Variants in BLNK observed in about 807,000 individuals in gnomAD.
BLNK encodes the protein B cell linker.
A neutral mutation model predicts 73.5 loss-of-function variants in BLNK; 29 were observed. That is an observed-to-expected ratio of 0.39 (90% CI 0.29 to 0.54). BLNK has a LOEUF of 0.54. BLNK is among the 20% of genes least tolerant of loss of function. The probability of loss-of-function intolerance (pLI) is 0.61; values close to 1 mark genes in which losing one functional copy is unlikely to be tolerated. For synonymous variants in BLNK, 176 were observed against 200.8 expected, an observed-to-expected ratio of 0.88 and a Z score of 1.04; for missense variants, 460 against 562.8, an observed-to-expected ratio of 0.82 and a Z score of 1.85.
At position 96,242,759 on chromosome 10, in the gene BLNK, C is replaced by T. The variant is rs1842918824; in HGVS notation, c.139G>A (p.Val47Ile). 1.2e-6 allele frequency: 2 copies of T among 1,614,118 alleles called. No homozygotes were observed. The highest frequency in any genetic ancestry group is 1.7e-6 in the Non-Finnish European group (2 of 1,179,970). ...CCTGAAGCGTAGTCCCTTCGAGGAA[C>T]ACTTGGAGGTGCTTTGACTTTTAGC... Reference protein sequence around the residue: ...KKLKVKAPPSVPRRDYASESP... With the variant: ...KKLKVKAPPSIPRRDYASESP... The change falls in exon 3 of 17, where the codon GTT (valine) becomes ATT (isoleucine). Residue 47 changes from valine to isoleucine, a missense_variant. By Grantham distance (29) the Val-to-Ile change is conservative. Around this residue, in one of 3 missense-constraint regions of BLNK, gnomAD observed 139 missense variants for 187.3 expected, o/e 0.74. Coordinates refer to ENST00000224337, the MANE Select transcript of BLNK (RefSeq NM_013314.4).
intron 5 of BLNK, 131 bp downstream of exon 5, chr10:96,227,279 G>T: frequency 8.3e-7 from 1 of 1,211,854 alleles, no homozygotes; most frequent in Non-Finnish European, 1.1e-6. Context: ...CCTGCTTGGA[G>T]GTGGCGGGAG....
chr10:96,267,903 C>T (rs1051229656), intron 1 of BLNK, among the ~76,000 whole-genome samples: 4 of 152,166 alleles, frequency 2.6e-5, no homozygotes, highest in African/African-American at 9.7e-5. Flanking sequence ...GTCCTATAAT[C>T]ACTATGTGCC....
At chr10:96,270,231 ACCT>A (rs1394037830) in intron 1 of BLNK, among the ~76,000 whole-genome samples, 12 of 152,062 alleles carry the variant, frequency 7.9e-5, no homozygotes, top group African/African-American at 2.9e-4. Context: ...TTTACCAAGC[ACCT>A]CCTAGGCATA....
chr10:96,233,619 A>G (rs587715994), intron 3 of BLNK, among the ~76,000 whole-genome samples: 1 of 152,196 alleles, frequency 6.6e-6, no homozygotes, highest in South Asian at 2.1e-4. Flanking sequence ...CCTGCAGCCC[A>G]TCTTCTTTCT....
intron 16 of BLNK, among the ~76,000 whole-genome samples, chr10:96,194,088 C>T (rs903221117): frequency 4.6e-5 from 7 of 152,142 alleles, no homozygotes; most frequent in Admixed American, 1.3e-4. Flanking sequence ...GAAGATTCAT[C>T]AGGCCAAGAG....
intron 16 of BLNK, among the ~76,000 whole-genome samples, chr10:96,193,504 T>C (rs916144697): frequency 6.6e-6 from 1 of 152,196 alleles, no homozygotes; most frequent in Non-Finnish European, 1.5e-5. Flanking sequence ...GTGTGTGCAG[T>C]AGGGAGTTGA....
chr10:96,206,362 A>AT (rs1245334573), intron 11 of BLNK, among the ~76,000 whole-genome samples: 3 of 151,900 alleles, frequency 2.0e-5, no homozygotes, highest in Non-Finnish European at 4.4e-5. Context: ...TCCAAACACA[A>AT]TTTTTTTTAA....
At chr10:96,216,785 A>C (rs1554899990) in intron 6 of BLNK, 51 bp from the exon 7 acceptor site, 4 of 1,476,992 alleles carry the variant, frequency 2.7e-6, no homozygotes, top group African/African-American at 2.8e-5. Flanking sequence ...TTCATAGTTG[A>C]CTGTATGGGA....
chr10:96,270,953 A>T (rs1196748264), intron 1 of BLNK, among the ~76,000 whole-genome samples: 1 of 152,256 alleles, frequency 6.6e-6, no homozygotes, highest in Non-Finnish European at 1.5e-5. Flanking sequence ...TATCCTTAAA[A>T]TTAAATAGTA....
At chr10:96,202,170 T>C (rs951046514) in intron 13 of BLNK, among the ~76,000 whole-genome samples, 4 of 152,072 alleles carry the variant, frequency 2.6e-5, no homozygotes, top group East Asian at 3.9e-4. Context: ...TTATAGGACT[T>C]GGTGGACCCT....
chr10:96,192,324 A>G (rs911321365), intron 16 of BLNK, among the ~76,000 whole-genome samples: 30 of 132,326 alleles, frequency 2.3e-4, no homozygotes, highest in East Asian at 1.5e-3. Context: ...TAGCATAGCT[A>G]CTTAGAGAGA....
rs759914089 is a variant in BLNK, at chr10:96,197,808, C to T, written c.1096-745G>A. ...GCGGGCACCTGTAGTCCCAGCTACT[C>T]GGGAGGCTGAGGCAGAAGAATGGCG... On this transcript the variant is annotated intron_variant, in intron 15 of 16. Transcript: ENST00000224337. Among the ~76,000 whole-genome samples, 513 of 151,280 alleles carry T rather than the reference C, an allele frequency of 3.4e-3. 2 individuals carry two copies. The highest frequency in any genetic ancestry group is 5.2e-3 in the Non-Finnish European group (355 of 67,838).
chr10:96,189,760 A>T lies in BLNK; in HGVS notation c.*2213T>A. On this transcript the variant is annotated 3_prime_UTR_variant, in exon 17 of 17. Coordinates refer to ENST00000224337, the MANE Select transcript of BLNK (RefSeq NM_013314.4). ...TTCATCAGCAGCAAGTTTTACTTTT[A>T]TTCTCTGGAATCTTGCTACCACCTC... 1.3e-6 allele frequency: 1 copy of T among 774,534 alleles called. No homozygotes were observed. Among genetic ancestry groups the T allele is most frequent in the Non-Finnish European group, 2.3e-6 (1 of 437,750 alleles). 48.0% of individuals were successfully genotyped at this position (774,534 alleles called of 1,614,324 possible).
chr10:96,209,770 A>T, intron 9 of BLNK, 68 bp downstream of exon 9: 2 of 1,571,168 alleles, frequency 1.3e-6, no homozygotes, highest in Non-Finnish European at 1.8e-6. Context: ...TGAAGTCAAC[A>T]GGGCAGTGGG....
rs782087236 is a variant in BLNK at position 96,189,404 on chromosome 10, G to A, written c.*2569C>T. ...TGCCAGGATCTTGAATAGTCTCCTG[G>A]TCAGTTGTCCGGAAGCAATTCTTCA... On this transcript the variant is annotated 3_prime_UTR_variant, in exon 17 of 17. Coordinates refer to ENST00000224337, the MANE Select transcript of BLNK (RefSeq NM_013314.4). 3.4e-6 allele frequency: 2 copies of A among 593,556 alleles called. No homozygotes were observed. The highest frequency in any genetic ancestry group is 6.4e-6 in the Non-Finnish European group (2 of 312,284). The allele number at this position is 593,556 out of a possible 1,614,324, so 36.8% of individuals were successfully genotyped here.
intron 1 of BLNK, among the ~76,000 whole-genome samples, chr10:96,253,818 A>G (rs1432720599): frequency 6.6e-6 from 1 of 151,934 alleles, no homozygotes; most frequent in Non-Finnish European, 1.5e-5. Flanking sequence ...GATCGAGACC[A>G]TCTTGGCTAA....
rs2083330086 is a variant in BLNK, at chr10:96,191,550, A to C, written c.*423T>G. 6.6e-6 allele frequency among the ~76,000 whole-genome samples: 1 copy of C among 152,156 alleles called. No individual in the cohort carries two copies. Among genetic ancestry groups the C allele is most frequent in the African/African-American group, 2.4e-5 (1 of 41,428 alleles). On this transcript the variant is annotated 3_prime_UTR_variant, in exon 17 of 17. Transcript: ENST00000224337. Reference sequence around the variant, plus strand: ...TTAATACCTTATTTTCTACAAATTAAAATTTTAACCAAGACTTAATTGTCA... The same window carrying C: ...TTAATACCTTATTTTCTACAAATTACAATTTTAACCAAGACTTAATTGTCA...
rs150575725 is a variant in BLNK at position 96,215,526 on chromosome 10, C to A, written c.608-137G>T. 902 of 665,174 alleles carry A rather than the reference C, an allele frequency of 1.4e-3. 11 individuals carry two copies. The African/African-American group carries it at 0.014, about 11-fold the overall frequency. 41.2% of individuals were successfully genotyped at this position (665,174 alleles called of 1,614,324 possible). A position where few individuals can be genotyped will look rare whatever the true frequency, so the allele number is the denominator to read the frequency against. On this transcript the variant is annotated intron_variant, in intron 7 of 16. Transcript: ENST00000224337. ...AGAATTTGCAAAGAATGGGAGACAC[C>A]CTTATTAGACACACAAACCAATAAA... is the stretch of plus-strand genomic sequence containing the variant.
intron 1 of BLNK, among the ~76,000 whole-genome samples, chr10:96,267,457 G>A (rs1844056150): frequency 6.6e-6 from 1 of 152,110 alleles, no homozygotes; most frequent in Admixed American, 6.5e-5. Context: ...GCTAGTTGTG[G>A]AAAGGTGAAA....
Sources: allele counts gnomAD v4.1 joint callset (sites outside exome capture counted in the v4.1 genomes callset), GRCh38; gene constraint gnomAD v4.1.1; regional missense constraint gnomAD v4.1.1; transcripts MANE v1.5; gene names NCBI Gene and HGNC (gene_info 2026-07-23, HGNC 2026-07-21).